Variants in BBS9 observed in about 807,000 individuals in gnomAD.
BBS9 encodes the protein Bardet-Biedl syndrome 9.
Under a neutral mutation model 117.7 loss-of-function variants are expected in BBS9, and 89 were observed. The observed-to-expected ratio is 0.76, with a 90% CI of 0.64 to 0.90. The LOEUF is 0.90. Ranked by LOEUF, BBS9 falls within the 40% of genes least tolerant of loss-of-function variation. The probability of loss-of-function intolerance (pLI) is 0.00; values close to 1 mark genes in which losing one functional copy is unlikely to be tolerated. For synonymous variants in BBS9, 379 were observed against 370.9 expected (o/e 1.02, Z -0.25); for missense variants, 982 against 1,042.2 (o/e 0.94, Z 0.80).
At chr7:33,588,793 G>A (rs1320984262) in intron 21 of BBS9, among the ~76,000 whole-genome samples, 1 of 152,084 alleles carries the variant, frequency 6.6e-6, no homozygotes, top group Non-Finnish European at 1.5e-5. Flanking sequence ...AGAAATCAGA[G>A]GGACAAGTGT....
Position 33,185,951 on chromosome 7 carries a change from T to C in BBS9, c.442+8360T>C, listed in dbSNP as rs574633378. ...GTTGCTGCTGCTTTAGAATAAGGTATGGCAAGAAATCACTAATGGAGGAAT... is the reference window on the plus strand; with the variant it reads ...GTTGCTGCTGCTTTAGAATAAGGTACGGCAAGAAATCACTAATGGAGGAAT... On this transcript the variant is annotated intron_variant, in intron 5 of 22. Transcript: ENST00000242067. 2.6e-5 allele frequency among the ~76,000 whole-genome samples: 4 copies of C among 152,306 alleles called. No individual in the cohort carries two copies. In the South Asian group the frequency reaches 8.3e-4, roughly 32 times the overall value.
intron 5 of BBS9, among the ~76,000 whole-genome samples, chr7:33,203,555 G>C (rs908943316): frequency 2.6e-5 from 4 of 152,154 alleles, no homozygotes; most frequent in African/African-American, 4.8e-5. Flanking sequence ...TTGGGGTACA[G>C]CTCAGGAATG....
At chr7:33,312,560 C>T (rs1278404327) in intron 9 of BBS9, among the ~76,000 whole-genome samples, 1 of 152,122 alleles carries the variant, frequency 6.6e-6, no homozygotes, top group African/African-American at 2.4e-5. Context: ...GGGGTAAGGC[C>T]TACAACATCT....
At chr7:33,342,804 G>A (rs1283821260) in intron 11 of BBS9, among the ~76,000 whole-genome samples, 2 of 152,112 alleles carry the variant, frequency 1.3e-5, no homozygotes, top group East Asian at 1.9e-4. Context: ...GGATTGATAT[G>A]AGCAGGAAAC....
At chr7:33,171,927 C>T (rs1397206241) in intron 4 of BBS9, among the ~76,000 whole-genome samples, 2 of 152,052 alleles carry the variant, frequency 1.3e-5, no homozygotes, top group African/African-American at 2.4e-5. Flanking sequence ...TGAGTCCTGA[C>T]ATACCAGGTG....
At chr7:33,280,642 C>G (rs1458567841) in intron 9 of BBS9, among the ~76,000 whole-genome samples, 1 of 152,168 alleles carries the variant, frequency 6.6e-6, no homozygotes, top group Non-Finnish European at 1.5e-5. Flanking sequence ...GCATATCACA[C>G]TGAATAATCA....
chr7:33,589,631 G>C (rs1327885703), intron 21 of BBS9, among the ~76,000 whole-genome samples: 1 of 152,100 alleles, frequency 6.6e-6, no homozygotes, highest in African/African-American at 2.4e-5. Context: ...TTTGGCTCGA[G>C]ACACTGAAAG....
chr7:33,199,733 A>G (rs1323475429), intron 5 of BBS9, among the ~76,000 whole-genome samples: 1 of 151,894 alleles, frequency 6.6e-6, no homozygotes. Flanking sequence ...ATATGGTTCA[A>G]TTCGCTGCAG....
Position 33,168,877 on chromosome 7 carries a change from G to A in BBS9, c.329-8601G>A, listed in dbSNP as rs541934849. Among the ~76,000 whole-genome samples the A allele has an allele frequency of 5.1e-4, 77 of 152,064 alleles. 1 individual carries two copies. In the South Asian group the frequency reaches 0.016, roughly 32 times the overall value. On this transcript the variant is annotated intron_variant, in intron 4 of 22. Transcript: ENST00000242067. ...CACATTGTGCAGGTTAGTTACATAT[G>A]TATACATGTGCCATGCTGGTGTGCT... is the stretch of plus-strand genomic sequence containing the variant.
At chr7:33,405,441 C>T (rs918142372) in intron 19 of BBS9, among the ~76,000 whole-genome samples, 3 of 152,054 alleles carry the variant, frequency 2.0e-5, no homozygotes, top group African/African-American at 7.2e-5. Context: ...CCTTGTACCT[C>T]TGGTAGAATT....
At chr7:33,619,463 A>C (rs1277774332) in intron 21 of BBS9, among the ~76,000 whole-genome samples, 2 of 152,140 alleles carry the variant, frequency 1.3e-5, no homozygotes, top group East Asian at 3.8e-4. Flanking sequence ...GCAGAAAATC[A>C]ATAAGAAAAA....
chr7:33,528,161 T>G (rs1409666558), intron 20 of BBS9, among the ~76,000 whole-genome samples: 1 of 152,184 alleles, frequency 6.6e-6, no homozygotes, highest in Non-Finnish European at 1.5e-5. Context: ...GGAAATTTTT[T>G]TCCCTTTAAT....
chr7:33,437,446 T>C lies in BBS9; in HGVS notation c.2115+49302T>C, dbSNP rs113213488. On this transcript the variant is annotated intron_variant, in intron 19 of 22. Transcript: ENST00000242067. ...CAGAGTGTTATCTGTCAGACACATT[T>C]CCAATTCTGAGGGGAAAATTCTTTT... 3.9e-4 allele frequency among the ~76,000 whole-genome samples: 60 copies of C among 152,338 alleles called. 1 individual carries two copies. Among genetic ancestry groups the C allele is most frequent in the African/African-American group, 1.4e-3 (57 of 41,588 alleles).
chr7:33,133,037 G>T (rs918590013), intron 1 of BBS9, among the ~76,000 whole-genome samples: 1 of 151,824 alleles, frequency 6.6e-6, no homozygotes, highest in Non-Finnish European at 1.5e-5. Context: ...TGATCAATCC[G>T]CCTTGGCCTC....
intron 9 of BBS9, among the ~76,000 whole-genome samples, chr7:33,279,796 A>T (rs1049624887): frequency 2.0e-5 from 3 of 152,182 alleles, no homozygotes; most frequent in Admixed American, 2.0e-4. Flanking sequence ...TGGGAAAATG[A>T]AATCAATACA....
rs187037609 is a variant in BBS9 at position 33,376,352 on chromosome 7, G to A, written c.1790-7314G>A. Among the ~76,000 whole-genome samples the A allele has an allele frequency of 8.5e-5, 13 of 152,160 alleles. No homozygotes were observed. The East Asian group carries it at 2.5e-3, about 29-fold the overall frequency. Reference sequence around the variant, plus strand: ...AATATTGGCCACCAGCTTCATCCATGTTTCTGCAAAGGACATGATCGTGTT... The same window carrying A: ...AATATTGGCCACCAGCTTCATCCATATTTCTGCAAAGGACATGATCGTGTT... On this transcript the variant is annotated intron_variant, in intron 17 of 22. Transcript: ENST00000242067.
intron 20 of BBS9, among the ~76,000 whole-genome samples, chr7:33,527,632 C>T (rs1028085733): frequency 1.3e-5 from 2 of 152,206 alleles, no homozygotes; most frequent in African/African-American, 4.8e-5. Context: ...CACCCACTGA[C>T]CTGCGCCCAC....
chr7:33,476,572 C>G (rs546856145), intron 19 of BBS9, among the ~76,000 whole-genome samples: 294 of 152,320 alleles, frequency 1.9e-3, no homozygotes, highest in African/African-American at 6.7e-3. Context: ...TTTGTCTCCT[C>G]CCAGTATCCC....
chr7:33,334,028 A>T (rs1242125405), intron 9 of BBS9, among the ~76,000 whole-genome samples: 1 of 152,058 alleles, frequency 6.6e-6, no homozygotes, highest in Non-Finnish European at 1.5e-5. Context: ...GACCCTGGCT[A>T]CTCTCTTTAC....
Sources: allele counts gnomAD v4.1 joint callset (sites outside exome capture counted in the v4.1 genomes callset), GRCh38; gene constraint gnomAD v4.1.1; transcripts MANE v1.5; gene names NCBI Gene and HGNC (gene_info 2026-07-23, HGNC 2026-07-21).